The following GLIS3 variants were observed in gnomAD, a reference collection of about 807,000 sequenced individuals.
GLIS3 encodes GLIS family zinc finger 3, also known as zinc finger protein GLIS3.
A neutral mutation model predicts 78.6 loss-of-function variants in GLIS3; 53 were observed. The observed-to-expected ratio is 0.67, with a 90% confidence interval of 0.54 to 0.85. GLIS3 has a LOEUF of 0.85. Ranked by LOEUF, GLIS3 falls within the 40% of genes least tolerant of loss-of-function variation. The pLI is 0.00. For synonymous variants in GLIS3, 684 were observed against 509.9 expected (o/e 1.34, Z -4.60); for missense variants, 1,703 against 1,231.1 (o/e 1.38, Z -5.74).
At chr9:4,082,680 G>A (rs759468893) in intron 4 of GLIS3, among the ~76,000 whole-genome samples, 4 of 152,188 alleles carry the variant, frequency 2.6e-5, no homozygotes, top group Non-Finnish European at 5.9e-5. Context: ...GAGGCAGTGG[G>A]TCAAGATGAA....
chr9:4,240,010 C>T (rs544437276), intron 2 of GLIS3, among the ~76,000 whole-genome samples: 27 of 152,246 alleles, frequency 1.8e-4, no homozygotes, highest in African/African-American at 5.8e-4. Flanking sequence ...ATTATTTCTG[C>T]AACCATTTAA....
At chr9:4,345,613 C>T (rs981865177) in intron 2 of GLIS3, among the ~76,000 whole-genome samples, 1 of 152,184 alleles carries the variant, frequency 6.6e-6, no homozygotes, top group East Asian at 1.9e-4. Flanking sequence ...GTTCCTCTTT[C>T]CCCCATCCTT....
chr9:4,010,817 G>A (rs765296571), intron 4 of GLIS3, among the ~76,000 whole-genome samples: 6 of 152,112 alleles, frequency 3.9e-5, no homozygotes, highest in Non-Finnish European at 7.4e-5. Context: ...TGGGTCCTGT[G>A]TTCTACACCA....
chr9:4,080,882 C>T (rs775739412), intron 4 of GLIS3, among the ~76,000 whole-genome samples: 3 of 152,202 alleles, frequency 2.0e-5, no homozygotes, highest in Non-Finnish European at 2.9e-5. Context: ...GGGCGTACAT[C>T]GTACAACCTT....
At chr9:4,431,508 C>G in the GLIS3 span, among the ~76,000 whole-genome samples, 1 of 152,128 alleles carries the variant, frequency 6.6e-6, no homozygotes, top group Non-Finnish European at 1.5e-5. Context: ...TCCTGTGGTT[C>G]CACCATACTC....
intron 8 of GLIS3, among the ~76,000 whole-genome samples, chr9:3,856,648 C>T (rs1325631207): frequency 6.6e-6 from 1 of 152,132 alleles, no homozygotes; most frequent in African/African-American, 2.4e-5. Context: ...AGTGTTGTTA[C>T]AAGTCTTTAT....
chr9:4,116,876 G>A (rs1345558661), intron 4 of GLIS3, among the ~76,000 whole-genome samples: 1 of 152,138 alleles, frequency 6.6e-6, no homozygotes, highest in African/African-American at 2.4e-5. Flanking sequence ...CAATACTTAA[G>A]TGAGCTGTCT....
rs1053784444 is a variant in GLIS3 at position 3,997,720 on chromosome 9, T to C, written c.1711-60531A>G. On this transcript the variant is annotated intron_variant, in intron 4 of 10. Transcript: ENST00000381971. The stretch of plus-strand genomic sequence containing the variant: ...AAGCATAAAGGAACTTGTTAACCTG[T>C]TAAAAATATGTAGCAAACATCAAAC... Among the ~76,000 whole-genome samples, 5 of 152,038 alleles carry C rather than the reference T, an allele frequency of 3.3e-5. No homozygotes were observed. In the East Asian group the frequency reaches 9.6e-4, roughly 29 times the overall value.
At chr9:4,097,666 C>T (rs890256726) in intron 4 of GLIS3, among the ~76,000 whole-genome samples, 3 of 152,306 alleles carry the variant, frequency 2.0e-5, no homozygotes, top group Non-Finnish European at 2.9e-5. Flanking sequence ...AAACAACCAT[C>T]GGTATGTGCA....
At chr9:4,406,958 A>G in the GLIS3 span, among the ~76,000 whole-genome samples, 1 of 152,224 alleles carries the variant, frequency 6.6e-6, no homozygotes, top group East Asian at 1.9e-4. Flanking sequence ...AAATTTATAT[A>G]GAATTACAAA....
At chr9:3,969,353 G>C (rs1201431694) in intron 4 of GLIS3, among the ~76,000 whole-genome samples, 1 of 152,128 alleles carries the variant, frequency 6.6e-6, no homozygotes, top group African/African-American at 2.4e-5. Context: ...CAAACCTTGT[G>C]CTATACGTTC....
At chr9:4,262,964 G>A (rs1224665247) in intron 2 of GLIS3, among the ~76,000 whole-genome samples, 2 of 148,458 alleles carry the variant, frequency 1.3e-5, no homozygotes, top group Non-Finnish European at 3.0e-5. Flanking sequence ...AAATCCCACA[G>A]CCTCTCCATG....
intron 2 of GLIS3, among the ~76,000 whole-genome samples, chr9:4,315,850 G>A (rs945738057): frequency 7.2e-5 from 11 of 152,116 alleles, no homozygotes; most frequent in Admixed American, 5.9e-4. Flanking sequence ...ACCAGGACAT[G>A]TTCTTCCAGG....
chr9:3,971,775 A>C (rs1026723690), intron 4 of GLIS3, among the ~76,000 whole-genome samples: 1 of 152,174 alleles, frequency 6.6e-6, no homozygotes, highest in Non-Finnish European at 1.5e-5. Flanking sequence ...GATTGGCTCC[A>C]GCAATTAAAT....
intron 2 of GLIS3, among the ~76,000 whole-genome samples, chr9:4,177,696 G>C (rs1346608612): frequency 1.3e-5 from 2 of 152,214 alleles, no homozygotes; most frequent in African/African-American, 4.8e-5. Context: ...GATTGGATGA[G>C]TTTGGAAAGC....
the GLIS3 span, among the ~76,000 whole-genome samples, chr9:4,372,582 C>T: frequency 6.6e-6 from 1 of 150,790 alleles, no homozygotes; most frequent in African/African-American, 2.4e-5. Context: ...AATCACACAG[C>T]GCGTGCACCT....
chr9:4,093,115 A>T (rs1336344177), intron 4 of GLIS3, among the ~76,000 whole-genome samples: 2 of 152,214 alleles, frequency 1.3e-5, no homozygotes, highest in African/African-American at 4.8e-5. Flanking sequence ...ATATTTAATT[A>T]TCCTCATTTA....
At chr9:4,446,059 T>G in the GLIS3 span, among the ~76,000 whole-genome samples, 1 of 152,192 alleles carries the variant, frequency 6.6e-6, no homozygotes. Flanking sequence ...AAGATAATGG[T>G]GTGTTGCCAA....
chr9:4,217,895 C>G (rs1409742765), intron 2 of GLIS3, among the ~76,000 whole-genome samples: 1 of 152,236 alleles, frequency 6.6e-6, no homozygotes, highest in Non-Finnish European at 1.5e-5. Context: ...ATAATGGCCT[C>G]TTTAAAATTA....
Sources: gnomAD v4.1 joint callset for allele counts (sites outside exome capture counted in the v4.1 genomes callset) on GRCh38, gnomAD v4.1.1 for gene constraint, MANE v1.5 for transcripts, NCBI Gene and HGNC (gene_info 2026-07-23, HGNC 2026-07-21) for gene names.